The following ZNF282 variants were observed in gnomAD, a reference collection of about 807,000 sequenced individuals.
The protein encoded by ZNF282 is zinc finger protein 282, also known as HTLV-I U5 repressive element-binding protein 1.
A neutral mutation model predicts 61.9 loss-of-function variants in ZNF282; 30 were observed. The ratio of observed to expected loss-of-function variants is 0.48; its 90% CI spans 0.36 to 0.66. The LOEUF is 0.66. Ranked by LOEUF, ZNF282 falls within the 30% of genes least tolerant of loss-of-function variation. ZNF282 has a pLI of 0.00. For synonymous variants in ZNF282, 396 were observed against 405.0 expected (o/e 0.98, Z 0.27); for missense variants, 788 against 941.4 (o/e 0.84, Z 2.13).
intron 2 of ZNF282, among the ~76,000 whole-genome samples, chr7:149,206,198 A>G (rs1795988527): frequency 6.6e-6 from 1 of 152,218 alleles, no homozygotes; most frequent in Admixed American, 6.5e-5. Context: ...TGATCAAGAT[A>G]GGGTAGTGAA....
chr7:149,213,706 C>G lies in ZNF282; in HGVS notation c.1072C>G (p.Leu358Val), dbSNP rs199929554. The change falls in exon 7 of 8, where the codon CTC (leucine) becomes GTC (valine). Residue 358 changes from leucine to valine, a missense_variant. Leu to Val is a conservative substitution (Grantham distance 32). Coordinates refer to ENST00000610704, the MANE Select transcript of ZNF282 (RefSeq NM_003575.4). Reference sequence around the variant, plus strand: ...CCTTCTTTCCATGACAACAGAGTCTCTCATCTCAGCACATGACATTTTGTC... The same window carrying G: ...CCTTCTTTCCATGACAACAGAGTCTGTCATCTCAGCACATGACATTTTGTC... ...DIPTDPNSESLISAHDILSWI... is the reference protein window; with the variant it reads ...DIPTDPNSESVISAHDILSWI... 18 of 1,611,928 alleles carry G rather than the reference C, an allele frequency of 1.1e-5. No individual in the cohort carries two copies. The highest frequency in any genetic ancestry group is 2.2e-5 in the South Asian group (2 of 90,880).
intron 6 of ZNF282, 23 bp from the exon 7 acceptor site, chr7:149,213,678 C>A (rs147914591): frequency 1.3e-6 from 2 of 1,582,232 alleles, no homozygotes; most frequent in South Asian, 1.1e-5. Flanking sequence ...AAATCTAAGA[C>A]TGCCTTCTTT....
At chr7:149,211,470 C>T (rs2888600) in intron 5 of ZNF282, among the ~76,000 whole-genome samples, 80,035 of 151,974 alleles carry the variant, frequency 0.53, 24,369 homozygotes, top group East Asian at 0.87. Flanking sequence ...TTGATGAGGC[C>T]CGCCCACATC....
Position 149,210,609 on chromosome 7 carries a change from A to C in ZNF282, c.857A>C (p.Gln286Pro). The change falls in exon 5 of 8, where the codon CAG becomes CCG. Residue 286 changes from glutamine to proline, a missense_variant. Gln to Pro is a moderately conservative substitution (Grantham distance 76, BLOSUM62 -1). Around this residue, in one of 3 missense-constraint regions of ZNF282, gnomAD observed 559 missense variants for 642.0 expected, o/e 0.87. Transcript: ENST00000610704. The stretch of plus-strand genomic sequence containing the variant: ...GGAGCAGAGCCCCTGGTGCCTGCGC[A>C]GGATGCGTCCTCCCAGGTGAAGCGT... ...EAGAEPLVPA[Q>P]DASSQVKRED... 6.2e-7 allele frequency: 1 copy of C among 1,612,184 alleles called. No homozygotes were observed.
chr7:149,220,306 G>A (rs1796223571), intron 7 of ZNF282, among the ~76,000 whole-genome samples: 1 of 152,200 alleles, frequency 6.6e-6, no homozygotes, highest in South Asian at 2.1e-4. Context: ...CAGCTACTCG[G>A]GAGGCTGAGG....
chr7:149,210,398 T>C (rs1013651631), intron 4 of ZNF282, among the ~76,000 whole-genome samples, 187 bp from the exon 5 acceptor site: 1 of 152,186 alleles, frequency 6.6e-6, no homozygotes, highest in Non-Finnish European at 1.5e-5. Context: ...ATGGTTCCAA[T>C]AGGAACCCGA....
chr7:149,208,860 A>C lies in ZNF282; in HGVS notation c.832+1390A>C, dbSNP rs548146913. 9.5e-4 allele frequency among the ~76,000 whole-genome samples: 143 copies of C among 151,006 alleles called. 1 individual carries two copies. The South Asian group carries it at 0.016, about 17-fold the overall frequency. Reference sequence around the variant, plus strand: ...AAGGAGAAACCCCGTCCCTACTAAAAAATACAAAAAATTAGCCGGGTGCAG... The same window carrying C: ...AAGGAGAAACCCCGTCCCTACTAAACAATACAAAAAATTAGCCGGGTGCAG... On this transcript the variant is annotated intron_variant, in intron 4 of 7. Transcript: ENST00000610704.
chr7:149,224,255 A>G lies in ZNF282; in HGVS notation c.1624A>G (p.Lys542Glu), dbSNP rs1796321050. The part of the protein sequence containing the change: ...SLIIHHRSHT[K>E]ERPYECAECE... ...CATCATCCACCACCGCAGCCACACC[A>G]AGGAGCGGCCCTACGAGTGCGCTGA... Residue 542 changes from lysine to glutamate, a missense_variant, in exon 8 of 8, where the codon AAG becomes GAG. Around this residue, in one of 3 missense-constraint regions of ZNF282, gnomAD observed 559 missense variants for 642.0 expected, o/e 0.87. Transcript: ENST00000610704. The G allele has an allele frequency of 1.2e-6, 2 of 1,612,132 alleles. No homozygotes were observed. The highest frequency in any genetic ancestry group is 1.7e-5 in the Admixed American group (1 of 59,956).
intron 4 of ZNF282, among the ~76,000 whole-genome samples, chr7:149,209,908 C>T (rs1211047401): frequency 6.6e-6 from 1 of 152,152 alleles, no homozygotes; most frequent in African/African-American, 2.4e-5. Context: ...TGACATATAA[C>T]ACAACCAATT....
chr7:149,224,483 C>A lies in ZNF282; in HGVS notation c.1852C>A (p.Leu618Ile). 1 of 1,613,468 alleles carries A rather than the reference C, an allele frequency of 6.2e-7. No homozygotes were observed. The highest frequency in any genetic ancestry group is 8.5e-7 in the Non-Finnish European group (1 of 1,179,918). ...GKSFIRKQNLLKHQRIHTGER... is the reference protein window; with the variant it reads ...GKSFIRKQNLIKHQRIHTGER... Reference sequence around the variant, plus strand: ...GAGCTTCATCCGCAAGCAGAACCTGCTCAAGCACCAGCGCATCCACACGGG... The same window carrying A: ...GAGCTTCATCCGCAAGCAGAACCTGATCAAGCACCAGCGCATCCACACGGG... The change falls in exon 8 of 8, where the codon CTC becomes ATC. Residue 618 changes from leucine (L) to isoleucine (I), a missense_variant. Transcript: ENST00000610704.
rs141715939 is a variant in ZNF282 at position 149,224,760 on chromosome 7, A to C, written c.*113A>C. ...TCTGGAAATCGGCAACAGGCATTGCACTCCGGTTGGGGGTCCCCCAGGGTG... is the reference window on the plus strand; with the variant it reads ...TCTGGAAATCGGCAACAGGCATTGCCCTCCGGTTGGGGGTCCCCCAGGGTG... On this transcript the variant is annotated 3_prime_UTR_variant, in exon 8 of 8. Transcript: ENST00000610704. The C allele has an allele frequency of 3.2e-4, 456 of 1,426,904 alleles. 2 individuals carry two copies. The African/African-American group carries it at 5.7e-3, about 18-fold the overall frequency. 88.4% of individuals were successfully genotyped at this position (1,426,904 alleles called of 1,614,324 possible).
At chr7:149,211,317 G>T (rs560174679) in intron 5 of ZNF282, among the ~76,000 whole-genome samples, 1 of 152,294 alleles carries the variant, frequency 6.6e-6, no homozygotes, top group Admixed American at 6.5e-5. Context: ...GCTTGTGATT[G>T]TGGAGGCCGG....
intron 2 of ZNF282, among the ~76,000 whole-genome samples, chr7:149,201,679 G>GA (rs1384172222): frequency 1.3e-5 from 2 of 152,118 alleles, no homozygotes; most frequent in Non-Finnish European, 2.9e-5. Context: ...TTGAACCTGG[G>GA]AGGCAGAGGC....
At position 149,210,566 on chromosome 7, in the gene ZNF282, T is replaced by A; in HGVS notation, c.833-19T>A. The A allele has an allele frequency of 6.2e-7, 1 of 1,607,164 alleles. No individual in the cohort carries two copies. Among genetic ancestry groups the A allele is most frequent in the Non-Finnish European group, 8.5e-7 (1 of 1,177,440 alleles). ...CTGCAGAAAAAAAGACACAAAGCAA[T>A]GTCATTCTCTGTCCCCAGGAGCAGA... On this transcript the variant is annotated intron_variant, in intron 4 of 7. Transcript: ENST00000610704.
chr7:149,216,970 C>T (rs1028917253), intron 7 of ZNF282, among the ~76,000 whole-genome samples: 3 of 152,168 alleles, frequency 2.0e-5, no homozygotes, highest in Non-Finnish European at 4.4e-5. Context: ...ACATCAGTGC[C>T]TCCACTGAAG....
rs761111242 is a variant in ZNF282, at chr7:149,224,455, C to G, written c.1824C>G (p.Gly608=). ...GGCCTTTCCAATGTGCACTGTGCGGCAAGAGCTTCATCCGCAAGCAGAACC... is the reference window on the plus strand; with the variant it reads ...GGCCTTTCCAATGTGCACTGTGCGGGAAGAGCTTCATCCGCAAGCAGAACC... ...GERPFQCALC[G]KSFIRKQNLL... Residue 608 remains glycine (G), a synonymous_variant, in exon 8 of 8, where the codon GGC becomes GGG. Transcript: ENST00000610704. The G allele has an allele frequency of 2.5e-6, 4 of 1,613,714 alleles. No individual in the cohort carries two copies. Among genetic ancestry groups the G allele is most frequent in the East Asian group, 4.5e-5 (2 of 44,856 alleles).
At chr7:149,219,394 G>A (rs1194152008) in intron 7 of ZNF282, among the ~76,000 whole-genome samples, 1 of 152,224 alleles carries the variant, frequency 6.6e-6, no homozygotes, top group Non-Finnish European at 1.5e-5. Flanking sequence ...TCTGAGCATG[G>A]CAGAAAACCA....
At chr7:149,196,024 G>T (rs1795810966) in intron 1 of ZNF282, among the ~76,000 whole-genome samples, 1 of 151,558 alleles carries the variant, frequency 6.6e-6, no homozygotes, top group Admixed American at 6.6e-5. Context: ...GCGGGGCGGG[G>T]GCCGGGACCG....
chr7:149,197,830 C>T (rs767133588), intron 1 of ZNF282, among the ~76,000 whole-genome samples: 4 of 152,216 alleles, frequency 2.6e-5, no homozygotes, highest in Non-Finnish European at 4.4e-5. Flanking sequence ...TGCAGGGAGG[C>T]GCTGCGGAGT....
Sources: gnomAD v4.1 joint callset for allele counts (sites outside exome capture counted in the v4.1 genomes callset) on GRCh38, gnomAD v4.1.1 for gene constraint, gnomAD v4.1.1 regional missense constraint, MANE v1.5 for transcripts, NCBI Gene and HGNC (gene_info 2026-07-23, HGNC 2026-07-21) for gene names.